SHC4: variants seen among roughly 807,000 people sequenced by gnomAD.
SHC4 encodes SHC adaptor protein 4, also known as SHC-transforming protein 4.
In SHC4, 41 loss-of-function variants were observed where a neutral mutation model predicts 69.4. That is an observed-to-expected ratio of 0.59 (90% confidence interval 0.46 to 0.77). The LOEUF (loss-of-function observed/expected upper bound fraction) is 0.77, where lower values mean the gene tolerates loss of function less well. SHC4 is among the 30% of genes least tolerant of loss of function. SHC4 has a pLI of 0.00. For missense variants in SHC4, 777 were observed against 783.8 expected (o/e 0.99, Z 0.10); for synonymous variants, 318 against 299.3 (o/e 1.06, Z -0.64).
chr15:48,903,517 A>G (rs1201716901), intron 2 of SHC4, among the ~76,000 whole-genome samples: 1 of 152,164 alleles, frequency 6.6e-6, no homozygotes, highest in Non-Finnish European at 1.5e-5. Context: ...AAACTTGCAG[A>G]TGCTTTGGGG....
intron 1 of SHC4, among the ~76,000 whole-genome samples, chr15:48,938,058 C>T (rs1901106086): frequency 6.6e-6 from 1 of 152,178 alleles, no homozygotes; most frequent in Admixed American, 6.5e-5. Context: ...TCTTTATCAC[C>T]ATGTAGGCCT....
intron 2 of SHC4, among the ~76,000 whole-genome samples, chr15:48,892,817 C>CACGCT (rs1900158849): frequency 6.9e-6 from 1 of 145,472 alleles, no homozygotes; most frequent in South Asian, 2.2e-4. Flanking sequence ...GAGCTGAGAT[C>CACGCT]ACGCCATTGC....
chr15:48,944,222 G>A (rs1461072687), intron 1 of SHC4, among the ~76,000 whole-genome samples: 1 of 151,952 alleles, frequency 6.6e-6, no homozygotes, highest in Non-Finnish European at 1.5e-5. Flanking sequence ...AAGCATGAGA[G>A]CCTAGGTGGC....
chr15:48,942,358 A>G (rs1901190744), intron 1 of SHC4, among the ~76,000 whole-genome samples: 1 of 152,182 alleles, frequency 6.6e-6, no homozygotes, highest in Non-Finnish European at 1.5e-5. Flanking sequence ...TCCCATTAAA[A>G]TCGAACATAG....
At chr15:48,897,998 G>A (rs1481120476) in intron 2 of SHC4, among the ~76,000 whole-genome samples, 2 of 152,272 alleles carry the variant, frequency 1.3e-5, no homozygotes, top group African/African-American at 4.8e-5. Flanking sequence ...AAGTCTAAGG[G>A]ACATGTTGCA....
chr15:48,882,301 T>G (rs1899960806), intron 4 of SHC4, among the ~76,000 whole-genome samples: 1 of 152,148 alleles, frequency 6.6e-6, no homozygotes, highest in African/African-American at 2.4e-5. Context: ...TTATTAAAAA[T>G]CAGCCCTCAG....
intron 1 of SHC4, among the ~76,000 whole-genome samples, chr15:48,952,507 T>C (rs1398022297): frequency 6.6e-6 from 1 of 152,142 alleles, no homozygotes; most frequent in Non-Finnish European, 1.5e-5. Flanking sequence ...ACCTACAGAA[T>C]GGGAGAAAAG....
At chr15:48,928,003 C>A (rs972554142) in intron 1 of SHC4, among the ~76,000 whole-genome samples, 4 of 152,184 alleles carry the variant, frequency 2.6e-5, no homozygotes, top group African/African-American at 9.7e-5. Flanking sequence ...TCGATAAACA[C>A]TTGTTGAAAG....
intron 1 of SHC4, among the ~76,000 whole-genome samples, chr15:48,940,305 A>G (rs1901151674): frequency 6.6e-6 from 1 of 152,184 alleles, no homozygotes; most frequent in African/African-American, 2.4e-5. Context: ...TTACAATTGA[A>G]CATTTTTGGG....
At chr15:48,863,265 A>G (rs1899483094) in intron 6 of SHC4, among the ~76,000 whole-genome samples, 1 of 152,134 alleles carries the variant, frequency 6.6e-6, no homozygotes, top group South Asian at 2.1e-4. Context: ...ACCACTAGGA[A>G]CATTTTGCCA....
chr15:48,915,858 A>C (rs1201347221), intron 2 of SHC4, among the ~76,000 whole-genome samples: 2 of 152,058 alleles, frequency 1.3e-5, no homozygotes, highest in African/African-American at 2.4e-5. Flanking sequence ...CTTCTCAGTA[A>C]ATTTTTTCAC....
intron 2 of SHC4, among the ~76,000 whole-genome samples, chr15:48,908,310 C>T (rs373776440): frequency 3.9e-5 from 6 of 152,264 alleles, no homozygotes; most frequent in African/African-American, 1.2e-4. Flanking sequence ...TGATGTTGAG[C>T]ATTTTTTCAT....
chr15:48,880,994 G>A (rs1899932186), intron 4 of SHC4, among the ~76,000 whole-genome samples: 1 of 105,578 alleles, frequency 9.5e-6, no homozygotes, highest in Non-Finnish European at 2.0e-5. Context: ...GAGTGTGTGT[G>A]TGTGTGTGTG....
intron 1 of SHC4, among the ~76,000 whole-genome samples, chr15:48,954,680 T>G (rs2141041232): frequency 6.6e-6 from 1 of 152,330 alleles, no homozygotes; most frequent in African/African-American, 2.4e-5. Context: ...AAGAAAGTTC[T>G]GCCAGGGTGG....
At chr15:48,884,779 C>T (rs1036382519) in intron 3 of SHC4, among the ~76,000 whole-genome samples, 15 of 152,176 alleles carry the variant, frequency 9.9e-5, no homozygotes, top group African/African-American at 2.7e-4. Context: ...TCTCCAATTA[C>T]GTAACTGCTT....
chr15:48,883,251 C>CCTCT (rs1028030877), intron 4 of SHC4, among the ~76,000 whole-genome samples: 2 of 151,980 alleles, frequency 1.3e-5, no homozygotes, highest in African/African-American at 4.8e-5. Flanking sequence ...CTCATTTAAT[C>CCTCT]CTCTAAACAG....
At chr15:48,867,736 G>T in intron 6 of SHC4, 82 bp downstream of exon 6, 1 of 1,182,332 alleles carries the variant, frequency 8.5e-7, no homozygotes, top group Non-Finnish European at 1.3e-6. Context: ...TCATCACTCT[G>T]TACATTGAAA....
At chr15:48,938,452 C>T (rs1901113911) in intron 1 of SHC4, 1 of 152,184 alleles carries the variant, frequency 6.6e-6, no homozygotes, top group Non-Finnish European at 1.5e-5. Flanking sequence ...CTCTATTTCC[C>T]TCACTCCTTT....
chr15:48,826,943 T>G (rs897039878), intron 11 of SHC4, among the ~76,000 whole-genome samples: 1 of 152,232 alleles, frequency 6.6e-6, no homozygotes, highest in Non-Finnish European at 1.5e-5. Context: ...ATTTGTTGCA[T>G]GGAACTTACT....
Sources: gnomAD v4.1 joint callset for allele counts (sites outside exome capture counted in the v4.1 genomes callset) on GRCh38, gnomAD v4.1.1 for gene constraint, MANE v1.5 for transcripts, NCBI Gene and HGNC (gene_info 2026-07-23, HGNC 2026-07-21) for gene names.